ROBO2: variants seen among roughly 807,000 people sequenced by gnomAD.
ROBO2 encodes the protein roundabout guidance receptor 2.
Under a neutral mutation model 160.8 loss-of-function variants are expected in ROBO2, and 53 were observed. The ratio of observed to expected loss-of-function variants is 0.33; its 90% CI spans 0.26 to 0.41. The LOEUF is 0.41. ROBO2 is among the 10% of genes least tolerant of loss of function. ROBO2 has a pLI of 1.00. For synonymous variants in ROBO2, 664 were observed against 611.7 expected (o/e 1.09, Z -1.26); for missense variants, 1,577 against 1,722.4 (o/e 0.92, Z 1.49).
intron 1 of ROBO2, among the ~76,000 whole-genome samples, chr3:77,044,723 C>T (rs2149644680): frequency 6.6e-6 from 1 of 152,222 alleles, no homozygotes; most frequent in African/African-American, 2.4e-5. Flanking sequence ...ACTTTTACCC[C>T]ACAATACTAT....
intron 2 of ROBO2, among the ~76,000 whole-genome samples, chr3:77,411,339 T>C (rs2076784865): frequency 6.6e-6 from 1 of 152,220 alleles, no homozygotes; most frequent in Admixed American, 6.5e-5. Context: ...AAATTAAAAA[T>C]GCTTGAAGCC....
rs537449431 is a variant in ROBO2 at position 75,978,761 on chromosome 3, C to T, written c.109+41159C>T. On this transcript the variant is annotated intron_variant, in intron 2 of 26. Transcript: ENST00000487694. Reference sequence around the variant, plus strand: ...TGAATAACTTTACAGAATAAACAGACACAGTTATTTATACCAGTAATCTCT... The same window carrying T: ...TGAATAACTTTACAGAATAAACAGATACAGTTATTTATACCAGTAATCTCT... 2.6e-5 allele frequency among the ~76,000 whole-genome samples: 4 copies of T among 151,588 alleles called. No individual in the cohort carries two copies. The South Asian group carries it at 8.3e-4, about 31-fold the overall frequency.
chr3:76,160,447 C>G (rs2072577393), intron 2 of ROBO2, among the ~76,000 whole-genome samples: 2 of 128,912 alleles, frequency 1.6e-5, no homozygotes, highest in Non-Finnish European at 3.8e-5. Context: ...ATTGTTTTTG[C>G]TTTTAATTGT....
At position 76,479,519 on chromosome 3, in the gene ROBO2, G is replaced by A. The variant is rs572534438; in HGVS notation, c.109+541917G>A. ...CTTTCACATGCTGCCTGCATGGCTG[G>A]CTCTGTTTATAATATTTCCAGCTTA... On this transcript the variant is annotated intron_variant, in intron 2 of 26. Transcript: ENST00000487694. 2.0e-5 allele frequency among the ~76,000 whole-genome samples: 3 copies of A among 152,222 alleles called. No homozygotes were observed. The South Asian group carries it at 6.2e-4, about 32-fold the overall frequency.
intron 20 of ROBO2, among the ~76,000 whole-genome samples, chr3:77,605,249 A>G (rs535983658): frequency 2.0e-5 from 3 of 151,612 alleles, no homozygotes; most frequent in South Asian, 2.1e-4. Context: ...TATGTAAGTC[A>G]TTAAAATATG....
At chr3:77,209,718 T>C (rs2083880147) in intron 2 of ROBO2, among the ~76,000 whole-genome samples, 1 of 152,182 alleles carries the variant, frequency 6.6e-6, no homozygotes, top group African/African-American at 2.4e-5. Context: ...TTTCCTAATC[T>C]ACAAAATTAG....
intron 2 of ROBO2, among the ~76,000 whole-genome samples, chr3:76,886,259 A>AT (rs1404829728): frequency 9.7e-5 from 14 of 144,274 alleles, no homozygotes; most frequent in African/African-American, 3.8e-4. Flanking sequence ...ATTCCAAAAA[A>AT]ATATATATAT....
intron 2 of ROBO2, among the ~76,000 whole-genome samples, chr3:77,464,487 A>G (rs1298884608): frequency 6.6e-6 from 1 of 152,166 alleles, no homozygotes; most frequent in Non-Finnish European, 1.5e-5. Context: ...ATTATGATTG[A>G]AGTGACAAAG....
At chr3:76,066,078 T>A (rs1228248843) in intron 2 of ROBO2, among the ~76,000 whole-genome samples, 1 of 152,070 alleles carries the variant, frequency 6.6e-6, no homozygotes, top group African/African-American at 2.4e-5. Flanking sequence ...CAATTTATCA[T>A]GTAGCTTTTA....
chr3:76,517,221 G>A (rs2081385874), intron 2 of ROBO2, among the ~76,000 whole-genome samples: 1 of 152,156 alleles, frequency 6.6e-6, no homozygotes, highest in Non-Finnish European at 1.5e-5. Context: ...ATATATGTGA[G>A]TGTTTAATGA....
chr3:76,742,324 C>T (rs1358813494), intron 2 of ROBO2, among the ~76,000 whole-genome samples: 6 of 152,100 alleles, frequency 3.9e-5, no homozygotes, highest in Admixed American at 3.3e-4. Context: ...ATCTTGCATT[C>T]TTATAATTTA....
chr3:76,585,901 G>T (rs1261343266), intron 2 of ROBO2, among the ~76,000 whole-genome samples: 1 of 152,090 alleles, frequency 6.6e-6, no homozygotes, highest in Non-Finnish European at 1.5e-5. Flanking sequence ...TCAAAAGGGA[G>T]AAAAAGCATA....
At chr3:75,927,879 G>C (rs983597490) in intron 1 of ROBO2, among the ~76,000 whole-genome samples, 3 of 151,502 alleles carry the variant, frequency 2.0e-5, no homozygotes, top group Non-Finnish European at 4.4e-5. Context: ...AGTCTGTATA[G>C]AAAAAGTGTG....
Position 77,550,711 on chromosome 3 carries a change from TG to T in ROBO2, c.1060-106del, listed in dbSNP as rs1368583775. 12 of 1,125,348 alleles carry T rather than the reference TG, an allele frequency of 1.1e-5. No individual in the cohort carries two copies. In the African/African-American group the frequency reaches 1.9e-4, roughly 18 times the overall value. 69.7% of individuals were successfully genotyped at this position (1,125,348 alleles called of 1,614,324 possible). A position where few individuals can be genotyped will look rare whatever the true frequency, so the allele number is the denominator to read the frequency against. ...TTTCTGAACCATATATATTTTAATC[TG>T]TGTATTTTCTTTTTCCCACTGTATT... On this transcript the variant is annotated intron_variant, in intron 7 of 25. Coordinates refer to ENST00000461745, the Ensembl canonical transcript of ROBO2.
chr3:77,017,323 C>T (rs1266336044), intron 2 of ROBO2, among the ~76,000 whole-genome samples: 1 of 152,078 alleles, frequency 6.6e-6, no homozygotes, highest in Non-Finnish European at 1.5e-5. Flanking sequence ...AAAAAACCTT[C>T]TTCTGTAAAA....
intron 2 of ROBO2, among the ~76,000 whole-genome samples, chr3:76,769,324 G>T (rs929347183): frequency 6.6e-6 from 1 of 150,818 alleles, no homozygotes; most frequent in Non-Finnish European, 1.5e-5. Flanking sequence ...CTAGAGTGGG[G>T]TCAGAGAGTC....
At chr3:76,062,324 G>C (rs1454414645) in intron 2 of ROBO2, among the ~76,000 whole-genome samples, 4 of 120,442 alleles carry the variant, frequency 3.3e-5, no homozygotes, top group Admixed American at 8.6e-5. Flanking sequence ...AAAAATTTCA[G>C]TTGAAACACA....
chr3:77,381,042 G>A lies in ROBO2; in HGVS notation c.389-96372G>A, dbSNP rs560929272. 4.6e-5 allele frequency among the ~76,000 whole-genome samples: 7 copies of A among 152,254 alleles called. No individual in the cohort carries two copies. The East Asian group carries it at 1.4e-3, about 29-fold the overall frequency. On this transcript the variant is annotated intron_variant, in intron 2 of 25. Transcript: ENST00000461745. ...AATCAGGACAGCATTTTGGCAGGGC[G>A]CAGTGGCTCACGCCTGTAATCCCAG...
chr3:76,388,123 A>G (rs1369132902), intron 2 of ROBO2, among the ~76,000 whole-genome samples: 1 of 152,132 alleles, frequency 6.6e-6, no homozygotes, highest in Admixed American at 6.5e-5. Flanking sequence ...CCAACCTGCA[A>G]CTTGTCCCTT....
Sources: gnomAD v4.1 joint callset for allele counts (sites outside exome capture counted in the v4.1 genomes callset) on GRCh38, gnomAD v4.1.1 for gene constraint, MANE v1.5 for transcripts, NCBI Gene and HGNC (gene_info 2026-07-23, HGNC 2026-07-21) for gene names.